Variants in CCDC171 observed in about 807,000 individuals in gnomAD.
The protein encoded by CCDC171 is coiled-coil domain-containing protein 171.
Under a neutral mutation model 168.2 loss-of-function variants are expected in CCDC171, and 177 were observed. That is an observed-to-expected ratio of 1.05 (90% CI 0.93 to 1.19). CCDC171 has a LOEUF of 1.19. CCDC171 is among the 50% of genes most tolerant of loss of function. The pLI, the probability that CCDC171 is intolerant of heterozygous loss-of-function variation, is 0.00. For synonymous variants in CCDC171, 687 were observed against 540.8 expected (o/e 1.27, Z -3.75); for missense variants, 1,991 against 1,539.0 (o/e 1.29, Z -4.91).
intron 6 of CCDC171, among the ~76,000 whole-genome samples, chr9:15,619,757 C>G (rs1173303731): frequency 6.6e-6 from 1 of 152,182 alleles, no homozygotes; most frequent in Non-Finnish European, 1.5e-5. Context: ...AAGGTGTCAT[C>G]TAGGTGTTTC....
intron 21 of CCDC171, among the ~76,000 whole-genome samples, chr9:15,795,341 T>C (rs1275767757): frequency 6.6e-6 from 1 of 152,192 alleles, no homozygotes; most frequent in Non-Finnish European, 1.5e-5. Flanking sequence ...CCTAATCACC[T>C]CTTAAAGGTC....
chr9:15,857,723 C>T (rs1364307894), intron 23 of CCDC171, among the ~76,000 whole-genome samples: 1 of 151,690 alleles, frequency 6.6e-6, no homozygotes, highest in Non-Finnish European at 1.5e-5. Flanking sequence ...CGTGCCTGGC[C>T]CAGTTTCATT....
chr9:15,917,684 T>C (rs970974383), intron 24 of CCDC171, among the ~76,000 whole-genome samples: 2 of 151,684 alleles, frequency 1.3e-5, no homozygotes, highest in Non-Finnish European at 3.0e-5. Flanking sequence ...AAAGATGAAA[T>C]TCATAAAATG....
At chr9:15,622,265 G>T (rs2044570696) in intron 6 of CCDC171, among the ~76,000 whole-genome samples, 1 of 152,052 alleles carries the variant, frequency 6.6e-6, no homozygotes, top group African/African-American at 2.4e-5. Context: ...ACCTACACAT[G>T]TACCCATGAA....
chr9:15,761,037 T>C (rs758803154), intron 18 of CCDC171, among the ~76,000 whole-genome samples: 46 of 152,220 alleles, frequency 3.0e-4, no homozygotes, highest in Non-Finnish European at 5.0e-4. Context: ...CTTTTTGATA[T>C]GACTGGTCGA....
chr9:15,925,069 A>G (rs1375992547), intron 25 of CCDC171, among the ~76,000 whole-genome samples: 6 of 151,630 alleles, frequency 4.0e-5, no homozygotes, highest in African/African-American at 1.4e-4. Context: ...GAGATATCAT[A>G]CGAACCAAAA....
At chr9:15,997,534 C>T (rs773276106) in intron 3 of CCDC171, among the ~76,000 whole-genome samples, 18 of 152,160 alleles carry the variant, frequency 1.2e-4, no homozygotes, top group African/African-American at 4.8e-5. Context: ...ATAGCCCTTC[C>T]AGGATTCTAC....
intron 2 of CCDC171, among the ~76,000 whole-genome samples, chr9:15,569,659 C>T (rs556877814): frequency 3.3e-4 from 50 of 151,600 alleles, no homozygotes; most frequent in African/African-American, 1.2e-3. Flanking sequence ...ACTAAAAATG[C>T]AAAAAATTAG....
chr9:15,567,530 G>T (rs923708621), intron 2 of CCDC171, among the ~76,000 whole-genome samples: 4 of 152,204 alleles, frequency 2.6e-5, no homozygotes, highest in Admixed American at 1.3e-4. Context: ...AATTTGGGGA[G>T]AATTGCCATT....
intron 23 of CCDC171, among the ~76,000 whole-genome samples, chr9:15,873,807 A>G (rs1321100422): frequency 6.6e-6 from 1 of 152,146 alleles, no homozygotes; most frequent in Non-Finnish European, 1.5e-5. Flanking sequence ...CATACTGACT[A>G]GAGAATTGGT....
intron 3 of CCDC171, among the ~76,000 whole-genome samples, chr9:16,014,265 C>T (rs1466668872): frequency 6.6e-6 from 1 of 152,200 alleles, no homozygotes; most frequent in Non-Finnish European, 1.5e-5. Flanking sequence ...GAAGCAACTC[C>T]TTATTCATTC....
intron 18 of CCDC171, among the ~76,000 whole-genome samples, chr9:15,764,765 G>A (rs868757839): frequency 6.6e-6 from 1 of 152,196 alleles, no homozygotes; most frequent in East Asian, 1.9e-4. Context: ...GCTATTGGAT[G>A]AAGTCATGTA....
At chr9:15,643,502 G>C (rs936766874) in intron 7 of CCDC171, among the ~76,000 whole-genome samples, 1 of 152,258 alleles carries the variant, frequency 6.6e-6, no homozygotes, top group South Asian at 2.1e-4. Context: ...AGAATCAGAA[G>C]TTTAATTTAG....
At chr9:15,682,841 A>G (rs913017041) in intron 10 of CCDC171, among the ~76,000 whole-genome samples, 1 of 152,034 alleles carries the variant, frequency 6.6e-6, no homozygotes, top group Non-Finnish European at 1.5e-5. Flanking sequence ...TTCAAAATCT[A>G]TGAATTTAAT....
At chr9:15,743,653 C>T (rs1433736860) in intron 16 of CCDC171, among the ~76,000 whole-genome samples, 3 of 152,172 alleles carry the variant, frequency 2.0e-5, no homozygotes, top group Non-Finnish European at 4.4e-5. Flanking sequence ...GCTGCTGAGG[C>T]CCAGCTCACA....
the CCDC171 span, among the ~76,000 whole-genome samples, chr9:16,089,052 C>T: frequency 6.6e-6 from 1 of 151,996 alleles, no homozygotes; most frequent in Non-Finnish European, 1.5e-5. Flanking sequence ...TCAGAAATAA[C>T]ACCACACAGC....
chr9:16,018,253 G>C (rs1239061720), intron 3 of CCDC171, among the ~76,000 whole-genome samples: 1 of 152,146 alleles, frequency 6.6e-6, no homozygotes, highest in Non-Finnish European at 1.5e-5. Flanking sequence ...AGGCCAGAAA[G>C]ATATATTATT....
At chr9:15,687,191 A>G (rs550530326) in intron 10 of CCDC171, among the ~76,000 whole-genome samples, 3 of 152,354 alleles carry the variant, frequency 2.0e-5, no homozygotes, top group South Asian at 2.1e-4. Flanking sequence ...CAAAGGAATT[A>G]GAAAACACTT....
intron 21 of CCDC171, among the ~76,000 whole-genome samples, chr9:15,805,340 G>C (rs2135855415): frequency 6.6e-6 from 1 of 152,172 alleles, no homozygotes. Context: ...ATGTTAGGTT[G>C]TTGACTCGAG....
Sources: gnomAD v4.1 joint callset for allele counts (sites outside exome capture counted in the v4.1 genomes callset) on GRCh38, gnomAD v4.1.1 for gene constraint, MANE v1.5 for transcripts, NCBI Gene and HGNC (gene_info 2026-07-23, HGNC 2026-07-21) for gene names.